The following GRM7 variants were observed in gnomAD, a reference collection of about 807,000 sequenced individuals.
GRM7 encodes the protein glutamate metabotropic receptor 7.
A neutral mutation model predicts 84.5 loss-of-function variants in GRM7; 35 were observed. The observed-to-expected ratio is 0.41, with a 90% CI of 0.32 to 0.55. GRM7 has a LOEUF of 0.55. Among genes scored for constraint, GRM7 ranks in the 20% least tolerant of loss-of-function variants. GRM7 has a pLI of 0.19. For synonymous variants in GRM7, 487 were observed against 455.1 expected, an observed-to-expected ratio of 1.07 and a Z score of -0.89; for missense variants, 1,003 against 1,194.6, an observed-to-expected ratio of 0.84 and a Z score of 2.36.
chr3:7,410,407 C>CA (rs906352537), intron 4 of GRM7, among the ~76,000 whole-genome samples: 2 of 151,246 alleles, frequency 1.3e-5, no homozygotes, highest in Non-Finnish European at 3.0e-5. Flanking sequence ...CCTATCTCTA[C>CA]AAAAAAAATA....
chr3:7,099,312 T>A (rs962153790), intron 1 of GRM7, among the ~76,000 whole-genome samples: 23 of 141,936 alleles, frequency 1.6e-4, no homozygotes, highest in African/African-American at 5.7e-4. Flanking sequence ...ACACATGTAT[T>A]ATACATGTAT....
At chr3:7,060,236 A>C (rs947787123) in intron 1 of GRM7, among the ~76,000 whole-genome samples, 2 of 151,800 alleles carry the variant, frequency 1.3e-5, no homozygotes, top group Non-Finnish European at 2.9e-5. Context: ...TGGCAGAAGG[A>C]GCCCAGATCC....
chr3:7,674,722 A>C (rs9845583), intron 8 of GRM7, among the ~76,000 whole-genome samples: 20,517 of 152,132 alleles, frequency 0.13, 2,654 homozygotes, highest in African/African-American at 0.34. Flanking sequence ...TGCAACTAGA[A>C]TGGAGCTTTC....
At chr3:6,890,909 G>T (rs947570919) in intron 1 of GRM7, among the ~76,000 whole-genome samples, 1 of 152,010 alleles carries the variant, frequency 6.6e-6, no homozygotes, top group Non-Finnish European at 1.5e-5. Context: ...TATGAACCTG[G>T]GTGCTCCTGT....
chr3:7,695,867 A>G (rs1175787937), intron 9 of GRM7, among the ~76,000 whole-genome samples: 2 of 152,178 alleles, frequency 1.3e-5, no homozygotes, highest in African/African-American at 2.4e-5. Context: ...CAACTGACAT[A>G]TAGTTGTCAA....
intron 2 of GRM7, among the ~76,000 whole-genome samples, chr3:7,267,010 A>G (rs1252235521): frequency 6.6e-6 from 1 of 152,236 alleles, no homozygotes; most frequent in Non-Finnish European, 1.5e-5. Flanking sequence ...TTCCTTACAA[A>G]GTAAAGATAA....
chr3:7,397,925 A>C (rs1277838304), intron 4 of GRM7, among the ~76,000 whole-genome samples: 1 of 152,112 alleles, frequency 6.6e-6, no homozygotes, highest in Admixed American at 6.6e-5. Flanking sequence ...GCTGAGGTTG[A>C]GAAACACTGC....
chr3:7,294,099 C>G (rs1699731359), intron 2 of GRM7, among the ~76,000 whole-genome samples: 1 of 152,220 alleles, frequency 6.6e-6, no homozygotes. Context: ...GCGGGCAATT[C>G]CCCGTAAGAG....
At chr3:7,520,501 C>T (rs1459625205) in intron 7 of GRM7, among the ~76,000 whole-genome samples, 3 of 119,812 alleles carry the variant, frequency 2.5e-5, no homozygotes, top group African/African-American at 6.1e-5. Context: ...ACTCTCTAGA[C>T]CTGAAAAAAA....
intron 4 of GRM7, among the ~76,000 whole-genome samples, chr3:7,355,240 C>T (rs1212590319): frequency 6.6e-6 from 1 of 152,044 alleles, no homozygotes; most frequent in Non-Finnish European, 1.5e-5. Flanking sequence ...AGGCACAATG[C>T]CTAGTACGAC....
In GRM7 at chr3:6,954,372, T is replaced by TAA. The variant is rs201364268; in HGVS notation, c.519+92466_519+92467dup. Among the ~76,000 whole-genome samples, 143 of 152,332 alleles carry TAA rather than the reference T, an allele frequency of 9.4e-4. 1 individual carries two copies. In the East Asian group the frequency reaches 0.025, roughly 27 times the overall value. On this transcript the variant is annotated intron_variant, in intron 1 of 9. Transcript: ENST00000357716. Reference sequence around the variant, plus strand: ...AACTATAGTCACCCTACTCTTCTATTAACCAGTAGAACTTATGCTGCAATG... The same window carrying TAA: ...AACTATAGTCACCCTACTCTTCTATTAAAACCAGTAGAACTTATGCTGCAATG...
chr3:7,012,074 C>T (rs917768616), intron 1 of GRM7, among the ~76,000 whole-genome samples: 43 of 152,116 alleles, frequency 2.8e-4, no homozygotes, highest in African/African-American at 8.7e-4. Context: ...CATTTTCTTT[C>T]CCTGTCACTA....
chr3:7,467,205 A>C (rs1263858341), intron 7 of GRM7, among the ~76,000 whole-genome samples: 2 of 152,100 alleles, frequency 1.3e-5, no homozygotes, highest in African/African-American at 4.8e-5. Context: ...CTCATGCCTC[A>C]GCCTCCTGAG....
chr3:7,430,982 A>G (rs944276526), intron 5 of GRM7, among the ~76,000 whole-genome samples: 3 of 151,618 alleles, frequency 2.0e-5, no homozygotes, highest in African/African-American at 7.3e-5. Context: ...CACCTAGACC[A>G]CTCTGCATTA....
At chr3:7,562,950 C>T (rs1436624323) in intron 7 of GRM7, among the ~76,000 whole-genome samples, 4 of 151,716 alleles carry the variant, frequency 2.6e-5, no homozygotes, top group African/African-American at 9.7e-5. Context: ...AAAACAGTTT[C>T]TATCCTTTAG....
At chr3:7,553,196 A>G (rs1256113963) in intron 7 of GRM7, among the ~76,000 whole-genome samples, 1 of 152,228 alleles carries the variant, frequency 6.6e-6, no homozygotes, top group Non-Finnish European at 1.5e-5. Flanking sequence ...TTGCTAAAGC[A>G]TAGCAAGGGT....
At chr3:6,955,380 T>G (rs896936741) in intron 1 of GRM7, among the ~76,000 whole-genome samples, 3 of 151,766 alleles carry the variant, frequency 2.0e-5, no homozygotes, top group African/African-American at 7.3e-5. Flanking sequence ...CTACTAAAAA[T>G]ACAAAAATTA....
intron 1 of GRM7, among the ~76,000 whole-genome samples, chr3:7,102,054 A>AT (rs1291052764): frequency 4.0e-5 from 6 of 151,480 alleles, no homozygotes; most frequent in East Asian, 1.9e-4. Context: ...ATAATGTAAA[A>AT]TTTTTTTCTT....
chr3:7,153,132 G>GA (rs1435367357), intron 2 of GRM7, among the ~76,000 whole-genome samples: 1 of 99,060 alleles, frequency 1.0e-5, no homozygotes, highest in Non-Finnish European at 1.9e-5. Context: ...TGGTACTGTG[G>GA]ATTTTTTTTT....
Sources: gnomAD v4.1 joint callset for allele counts (sites outside exome capture counted in the v4.1 genomes callset) on GRCh38, gnomAD v4.1.1 for gene constraint, MANE v1.5 for transcripts, NCBI Gene and HGNC (gene_info 2026-07-23, HGNC 2026-07-21) for gene names.